NFATC3: variants seen among roughly 807,000 people sequenced by gnomAD.
The protein encoded by NFATC3 is nuclear factor of activated T-cells, cytoplasmic 3.
NFATC3 carries 46 observed loss-of-function variants against 98.6 expected under a neutral mutation model. The ratio of observed to expected loss-of-function variants is 0.47; its 90% CI spans 0.37 to 0.60. The LOEUF is 0.60. Among genes scored for constraint, NFATC3 ranks in the 20% least tolerant of loss-of-function variants. The pLI is 0.00. For missense variants in NFATC3, 1,256 were observed against 1,295.5 expected, an observed-to-expected ratio of 0.97 and a Z score of 0.47; for synonymous variants, 512 against 472.2, an observed-to-expected ratio of 1.08 and a Z score of -1.09.
At chr16:68,161,932 C>T (rs186175797) in intron 4 of NFATC3, among the ~76,000 whole-genome samples, 582 of 152,244 alleles carry the variant, frequency 3.8e-3, no homozygotes, top group African/African-American at 0.014. Flanking sequence ...TACCTGTCTC[C>T]TCCATCATCT....
rs186851337 is a variant in NFATC3 at position 68,147,035 on chromosome 16, C to T, written c.1402-10834C>T. 1.8e-3 allele frequency among the ~76,000 whole-genome samples: 275 copies of T among 152,280 alleles called. 1 individual carries two copies. The highest frequency in any genetic ancestry group is 1.9e-3 in the East Asian group (10 of 5,190). The stretch of plus-strand genomic sequence containing the variant: ...GCCCTATTTTTCTTATGGTATTATA[C>T]ATCTGGAACAGATGTTGGTCAAAAT... On this transcript the variant is annotated intron_variant, in intron 3 of 9. Coordinates refer to ENST00000346183, the MANE Select transcript of NFATC3 (RefSeq NM_173165.3).
At chr16:68,090,659 A>G (rs369191065) in intron 1 of NFATC3, among the ~76,000 whole-genome samples, 376 of 152,250 alleles carry the variant, frequency 2.5e-3, no homozygotes, top group African/African-American at 8.3e-3. Flanking sequence ...TCTTAGTACA[A>G]TGTGAAAGTT....
chr16:68,103,194 T>TTAG, intron 1 of NFATC3, among the ~76,000 whole-genome samples: 1 of 150,620 alleles, frequency 6.6e-6, no homozygotes, highest in South Asian at 2.1e-4. Context: ...TTTTTTTATT[T>TTAG]TATTATTATT....
chr16:68,202,146 TCAG>T (rs1306230494), intron 9 of NFATC3, among the ~76,000 whole-genome samples: 1 of 151,992 alleles, frequency 6.6e-6, no homozygotes, highest in Non-Finnish European at 1.5e-5. Flanking sequence ...CTGCAGCTCT[TCAG>T]CAGAGAAGAG....
At chr16:68,185,270 C>A (rs1414835431) in intron 8 of NFATC3, among the ~76,000 whole-genome samples, 1 of 152,150 alleles carries the variant, frequency 6.6e-6, no homozygotes, top group African/African-American at 2.4e-5. Flanking sequence ...AGCCACCGCG[C>A]CTGGCCCAGG....
rs369158295 is a variant in NFATC3 at position 68,142,267 on chromosome 16, GTTC to G, written c.1402-15596_1402-15594del. ...TGATTTTTTTCAGCAGTGTTTTGTAGTTCTTCTTGTAAAGATCTTTTACCTCCT... is the reference window on the plus strand; with the variant it reads ...TGATTTTTTTCAGCAGTGTTTTGTAGTTCTTGTAAAGATCTTTTACCTCCT... On this transcript the variant is annotated intron_variant, in intron 3 of 9. Transcript: ENST00000346183. 8.2e-3 allele frequency among the ~76,000 whole-genome samples: 1,254 copies of G among 152,110 alleles called. 17 individuals carry two copies. The highest frequency in any genetic ancestry group is 0.028 in the African/African-American group (1,173 of 41,480).
At chr16:68,213,523 TTTAG>T (rs2041507993) in intron 9 of NFATC3, among the ~76,000 whole-genome samples, 1 of 152,098 alleles carries the variant, frequency 6.6e-6, no homozygotes. Flanking sequence ...GGATGTGAAC[TTTAG>T]TTTAAAAAAT....
rs529869741 is a variant in NFATC3, at chr16:68,182,595, A to C, written c.1972-645A>C. Among the ~76,000 whole-genome samples, 3 of 108,510 alleles carry C rather than the reference A, an allele frequency of 2.8e-5. No individual in the cohort carries two copies. The East Asian group carries it at 7.8e-4, about 28-fold the overall frequency. 71.2% of individuals were successfully genotyped at this position (108,510 alleles called of 152,430 possible). Reference sequence around the variant, plus strand: ...GAGTGCAGTGGTGTAGTCTCGGCTCACTGCAGCCTCTGCCTCCCGGGTTCA... The same window carrying C: ...GAGTGCAGTGGTGTAGTCTCGGCTCCCTGCAGCCTCTGCCTCCCGGGTTCA... On this transcript the variant is annotated intron_variant, in intron 7 of 9. Coordinates refer to ENST00000346183, the MANE Select transcript of NFATC3 (RefSeq NM_173165.3).
chr16:68,133,426 A>G (rs145475057), intron 3 of NFATC3, among the ~76,000 whole-genome samples: 1 of 152,366 alleles, frequency 6.6e-6, no homozygotes, highest in Admixed American at 6.5e-5. Context: ...TAATTATTAC[A>G]TGTCAACTAA....
chr16:68,116,709 G>C (rs1277401075), intron 1 of NFATC3, among the ~76,000 whole-genome samples: 2 of 152,148 alleles, frequency 1.3e-5, no homozygotes, highest in Non-Finnish European at 2.9e-5. Flanking sequence ...TTTGGGAGAA[G>C]GGTGTGGTTT....
chr16:68,175,955 A>G (rs2039677227), intron 6 of NFATC3, among the ~76,000 whole-genome samples: 1 of 152,122 alleles, frequency 6.6e-6, no homozygotes. Flanking sequence ...CCCTTCTCAA[A>G]TGGAACCATC....
chr16:68,176,213 C>T (rs939896877), intron 6 of NFATC3, among the ~76,000 whole-genome samples: 4 of 152,152 alleles, frequency 2.6e-5, no homozygotes, highest in African/African-American at 4.8e-5. Flanking sequence ...CCTGACCTCA[C>T]GATCCACCCG....
intron 3 of NFATC3, among the ~76,000 whole-genome samples, chr16:68,132,332 G>T (rs1180765866): frequency 6.6e-6 from 1 of 152,154 alleles, no homozygotes; most frequent in Non-Finnish European, 1.5e-5. Flanking sequence ...AGAGATTCTG[G>T]TATAGTATAT....
chr16:68,181,272 G>T (rs1001979405), intron 6 of NFATC3, among the ~76,000 whole-genome samples: 4 of 152,116 alleles, frequency 2.6e-5, no homozygotes, highest in African/African-American at 9.7e-5. Context: ...GAACTCAGTG[G>T]GATCTGCTAA....
chr16:68,211,741 C>G (rs571638198), intron 9 of NFATC3, among the ~76,000 whole-genome samples: 15 of 150,820 alleles, frequency 9.9e-5, no homozygotes, highest in African/African-American at 3.2e-4. Flanking sequence ...AGGCTGGTCT[C>G]GAACTCCTGA....
chr16:68,188,802 G>C (rs1381777378), intron 8 of NFATC3, among the ~76,000 whole-genome samples: 1 of 152,044 alleles, frequency 6.6e-6, no homozygotes, highest in Admixed American at 6.6e-5. Flanking sequence ...TCTGCCTCCC[G>C]GGTTCAAGTG....
At chr16:68,144,670 A>G (rs543522911) in intron 3 of NFATC3, among the ~76,000 whole-genome samples, 2 of 151,130 alleles carry the variant, frequency 1.3e-5, no homozygotes, top group African/African-American at 4.9e-5. Context: ...TATTTTTTTT[A>G]TTTTTTAGAT....
At chr16:68,190,615 A>G (rs754189083) in intron 8 of NFATC3, among the ~76,000 whole-genome samples, 153 bp from the exon 9 acceptor site, 8 of 152,232 alleles carry the variant, frequency 5.3e-5, no homozygotes, top group Non-Finnish European at 8.8e-5. Flanking sequence ...ACACGTACAC[A>G]CAGACATACA....
At chr16:68,134,449 TC>T (rs992083598) in intron 3 of NFATC3, among the ~76,000 whole-genome samples, 2 of 152,134 alleles carry the variant, frequency 1.3e-5, no homozygotes, top group African/African-American at 4.8e-5. Context: ...CACCTCAGCC[TC>T]CCAAAATGCT....
Sources: gnomAD v4.1 joint callset for allele counts (sites outside exome capture counted in the v4.1 genomes callset) on GRCh38, gnomAD v4.1.1 for gene constraint, MANE v1.5 for transcripts, NCBI Gene and HGNC (gene_info 2026-07-23, HGNC 2026-07-21) for gene names.